Variants in PBX1 observed in about 807,000 individuals in gnomAD.
The protein encoded by PBX1 is PBX homeobox 1.
A neutral mutation model predicts 53.4 loss-of-function variants in PBX1; 6 were observed. The observed-to-expected ratio is 0.11, with a 90% confidence interval of 0.06 to 0.22. The LOEUF (loss-of-function observed/expected upper bound fraction) is 0.22, where lower values mean the gene tolerates loss of function less well. PBX1 is among the 10% of genes least tolerant of loss of function. PBX1 has a pLI of 1.00. For synonymous variants in PBX1, 204 were observed against 212.3 expected (o/e 0.96, Z 0.34); for missense variants, 251 against 551.4 (o/e 0.46, Z 5.46).
chr1:164,874,787 C>T (rs531583301), intron 2 of PBX1, among the ~76,000 whole-genome samples: 2 of 152,304 alleles, frequency 1.3e-5, no homozygotes, highest in African/African-American at 4.8e-5. Flanking sequence ...AGCCACTGTG[C>T]CCAGCTTTAC....
At chr1:164,570,412 T>A (rs1043382249) in intron 2 of PBX1, among the ~76,000 whole-genome samples, 4 of 152,184 alleles carry the variant, frequency 2.6e-5, no homozygotes, top group Admixed American at 6.5e-5. Flanking sequence ...CCTGTGTCCA[T>A]GTGCTCTCAT....
chr1:164,870,628 G>A (rs1294174334), intron 2 of PBX1, among the ~76,000 whole-genome samples: 2 of 152,140 alleles, frequency 1.3e-5, no homozygotes, highest in Non-Finnish European at 1.5e-5. Flanking sequence ...ACAGGCATGA[G>A]CCACTGCACC....
chr1:164,763,258 C>T (rs1203971883), intron 2 of PBX1, among the ~76,000 whole-genome samples: 1 of 152,190 alleles, frequency 6.6e-6, no homozygotes, highest in East Asian at 1.9e-4. Flanking sequence ...CCTGAGTTTT[C>T]ACTCAGTCTT....
chr1:164,640,692 G>GATTACA (rs750104357), intron 2 of PBX1, among the ~76,000 whole-genome samples: 39 of 151,798 alleles, frequency 2.6e-4, no homozygotes, highest in Non-Finnish European at 5.2e-4. Flanking sequence ...GAGTAGCTGG[G>GATTACA]ATTACAGATG....
At chr1:164,626,774 C>T (rs964097597) in intron 2 of PBX1, among the ~76,000 whole-genome samples, 1 of 152,150 alleles carries the variant, frequency 6.6e-6, no homozygotes, top group African/African-American at 2.4e-5. Flanking sequence ...TAGATTTTCT[C>T]ATCAACGTTA....
At chr1:164,674,587 T>C (rs1013321516) in intron 2 of PBX1, 1 of 152,082 alleles carries the variant, frequency 6.6e-6, no homozygotes, top group African/African-American at 2.4e-5. Context: ...AATTCTGTGG[T>C]GGGGAAATTA....
intron 8 of PBX1, among the ~76,000 whole-genome samples, chr1:164,838,260 C>T (rs1321601768): frequency 1.3e-5 from 2 of 152,162 alleles, no homozygotes; most frequent in Non-Finnish European, 2.9e-5. Context: ...GGTCTTAGAC[C>T]AGAACTCTGC....
chr1:164,799,368 G>A (rs1668948742), intron 3 of PBX1, among the ~76,000 whole-genome samples: 1 of 152,084 alleles, frequency 6.6e-6, no homozygotes, highest in African/African-American at 2.4e-5. Flanking sequence ...GCGGGCGCCT[G>A]TAGTCCCAGC....
intron 2 of PBX1, among the ~76,000 whole-genome samples, chr1:164,621,733 A>G (rs1275293393): frequency 6.6e-6 from 1 of 152,198 alleles, no homozygotes. Flanking sequence ...GGATCAATGG[A>G]CATACCTGAA....
chr1:164,692,197 C>A (rs1571231074), intron 2 of PBX1, among the ~76,000 whole-genome samples: 1 of 152,182 alleles, frequency 6.6e-6, no homozygotes, highest in South Asian at 2.1e-4. Context: ...TGGCTATAGG[C>A]AGCTCATACG....
chr1:164,801,436 T>C (rs951640074), intron 4 of PBX1, among the ~76,000 whole-genome samples: 1 of 150,188 alleles, frequency 6.7e-6, no homozygotes, highest in Non-Finnish European at 1.5e-5. Context: ...TTGGTATTTA[T>C]GTTGGCAGAT....
At chr1:164,750,039 G>A (rs1666111424) in intron 2 of PBX1, among the ~76,000 whole-genome samples, 1 of 151,950 alleles carries the variant, frequency 6.6e-6, no homozygotes, top group South Asian at 2.1e-4. Flanking sequence ...GTTCAAGGCT[G>A]TAGTGAGCTA....
At chr1:164,571,399 GT>G (rs1327267595) in intron 2 of PBX1, among the ~76,000 whole-genome samples, 2 of 152,030 alleles carry the variant, frequency 1.3e-5, no homozygotes, top group Non-Finnish European at 2.9e-5. Flanking sequence ...TGTCTTTGTG[GT>G]TTTTGCCTAT....
At chr1:164,830,891 A>T (rs1228859816) in intron 8 of PBX1, among the ~76,000 whole-genome samples, 2 of 152,122 alleles carry the variant, frequency 1.3e-5, no homozygotes, top group African/African-American at 4.8e-5. Context: ...CAGATGCTAC[A>T]ATTTAACGAG....
chr1:164,717,110 T>C (rs947178942), intron 2 of PBX1, among the ~76,000 whole-genome samples: 3 of 152,200 alleles, frequency 2.0e-5, no homozygotes, highest in Non-Finnish European at 4.4e-5. Context: ...AGCCATTTTC[T>C]CTGCATCTCA....
intron 2 of PBX1, among the ~76,000 whole-genome samples, chr1:164,605,958 A>AATTC (rs1172107987): frequency 1.3e-5 from 2 of 152,166 alleles, no homozygotes; most frequent in Non-Finnish European, 1.5e-5. Context: ...CACTTTTGGT[A>AATTC]ATTCATGCCT....
chr1:164,773,481 G>A (rs1476629815), intron 2 of PBX1, among the ~76,000 whole-genome samples: 1 of 152,122 alleles, frequency 6.6e-6, no homozygotes, highest in African/African-American at 2.4e-5. Context: ...TTGTTTGAGA[G>A]TCTGGCAGTT....
chr1:164,630,572 C>G (rs1390815010), intron 2 of PBX1, among the ~76,000 whole-genome samples: 1 of 152,002 alleles, frequency 6.6e-6, no homozygotes, highest in Non-Finnish European at 1.5e-5. Flanking sequence ...AGGTTCCTAC[C>G]AAGCAGATAA....
At chr1:164,677,117 G>A (rs539184656) in intron 2 of PBX1, among the ~76,000 whole-genome samples, 4 of 133,172 alleles carry the variant, frequency 3.0e-5, no homozygotes, top group South Asian at 2.3e-4. Context: ...ACGGAGTCTC[G>A]CTCTGTCGCC....
Sources: allele counts gnomAD v4.1 joint callset (sites outside exome capture counted in the v4.1 genomes callset), GRCh38; gene constraint gnomAD v4.1.1; transcripts MANE v1.5; gene names NCBI Gene and HGNC (gene_info 2026-07-23, HGNC 2026-07-21).